Variants in CDH12 observed in about 807,000 individuals in gnomAD.
The protein encoded by CDH12 is cadherin-12.
In CDH12, 41 loss-of-function variants were observed where a neutral mutation model predicts 74.1. The observed-to-expected ratio is 0.55, with a 90% CI of 0.43 to 0.72. The LOEUF (loss-of-function observed/expected upper bound fraction) is 0.72, where lower values mean the gene tolerates loss of function less well. Among genes scored for constraint, CDH12 ranks in the 30% least tolerant of loss-of-function variants. The pLI is 0.00. For missense variants in CDH12, 945 were observed against 977.2 expected (o/e 0.97, Z 0.44); for synonymous variants, 399 against 355.0 (o/e 1.12, Z -1.39).
chr5:21,813,960 G>A (rs553424967), intron 9 of CDH12, among the ~76,000 whole-genome samples: 1 of 152,224 alleles, frequency 6.6e-6, no homozygotes, highest in South Asian at 2.1e-4. Context: ...GAGTATGAGT[G>A]CAGGCAGTGT....
intron 2 of CDH12, among the ~76,000 whole-genome samples, chr5:22,497,420 C>T (rs1391432657): frequency 6.6e-6 from 1 of 152,044 alleles, no homozygotes; most frequent in African/African-American, 2.4e-5. Flanking sequence ...CTTGTCTCAA[C>T]CTTCCTTCCT....
At chr5:22,634,687 C>G (rs933210491) in intron 1 of CDH12, among the ~76,000 whole-genome samples, 1 of 151,716 alleles carries the variant, frequency 6.6e-6, no homozygotes, top group Non-Finnish European at 1.5e-5. Context: ...TATCAATGTG[C>G]AAAAATCAAT....
chr5:22,423,398 C>T (rs145660317), intron 2 of CDH12, among the ~76,000 whole-genome samples: 128 of 152,200 alleles, frequency 8.4e-4, no homozygotes, highest in Admixed American at 5.6e-3. Flanking sequence ...GGGATCCAGT[C>T]TAGAAAAACT....
chr5:22,036,200 T>C (rs1229265488), intron 5 of CDH12, among the ~76,000 whole-genome samples: 1 of 152,202 alleles, frequency 6.6e-6, no homozygotes, highest in Non-Finnish European at 1.5e-5. Flanking sequence ...TCAATTTTTT[T>C]AGCCTTGGCA....
intron 1 of CDH12, among the ~76,000 whole-genome samples, chr5:22,730,406 C>G (rs1744374520): frequency 6.6e-6 from 1 of 151,648 alleles, no homozygotes; most frequent in Non-Finnish European, 1.5e-5. Flanking sequence ...AAAATACTTT[C>G]AAAAAATATC....
At chr5:22,308,035 C>T (rs537128273) in intron 3 of CDH12, among the ~76,000 whole-genome samples, 1 of 151,718 alleles carries the variant, frequency 6.6e-6, no homozygotes, top group East Asian at 2.0e-4. Flanking sequence ...CGCCCGCCAC[C>T]ACGCCCGGCT....
In CDH12 at chr5:21,752,001, C is replaced by T. The variant is rs767330332; in HGVS notation, c.2121G>A (p.Met707Ile). The change falls in exon 15 of 15, where the codon ATG (methionine) becomes ATA (isoleucine). Residue 707 changes from methionine (M) to isoleucine (I), a missense_variant. By Grantham distance (10) the Met-to-Ile change is conservative (BLOSUM62 1). Around this residue, in one of 3 missense-constraint regions of CDH12, gnomAD observed 791 missense variants for 792.8 expected, o/e 1.00. Coordinates refer to ENST00000382254, the MANE Select transcript of CDH12 (RefSeq NM_004061.5). ...SLCLPRQRPP[M>I]EDNTDIRDFI... The stretch of plus-strand genomic sequence containing the variant: ...AATCCCTTATGTCTGTGTTATCTTC[C>T]ATGGGTGGTCTCTGACGAGGTAAAC... The T allele has an allele frequency of 1.2e-6, 2 of 1,614,022 alleles. No homozygotes were observed. The highest frequency in any genetic ancestry group is 1.6e-4 in the Middle Eastern group (1 of 6,062).
chr5:22,669,480 G>A (rs1347406994), intron 1 of CDH12, among the ~76,000 whole-genome samples: 1 of 152,084 alleles, frequency 6.6e-6, no homozygotes, highest in East Asian at 1.9e-4. Context: ...GGACAGGCGT[G>A]GTAACATATG....
intron 1 of CDH12, among the ~76,000 whole-genome samples, chr5:22,581,534 T>C (rs991193285): frequency 6.6e-6 from 1 of 152,154 alleles, no homozygotes; most frequent in Non-Finnish European, 1.5e-5. Context: ...CAAAACCACA[T>C]GGAAGTTGCC....
At chr5:21,854,813 T>C (rs1750670262) in intron 6 of CDH12, 23 bp from the exon 7 acceptor site, 1 of 1,595,512 alleles carries the variant, frequency 6.3e-7, no homozygotes, top group South Asian at 1.1e-5. Context: ...ACAATATCAC[T>C]CTAGCATTTT....
intron 3 of CDH12, among the ~76,000 whole-genome samples, chr5:22,382,968 T>C (rs1400333745): frequency 1.3e-5 from 2 of 152,074 alleles, no homozygotes; most frequent in African/African-American, 2.4e-5. Context: ...GTAGCTGGGA[T>C]TTCTGGAGCG....
intron 1 of CDH12, among the ~76,000 whole-genome samples, chr5:22,596,107 C>CA (rs1232402874): frequency 2.2e-5 from 3 of 139,452 alleles, no homozygotes; most frequent in Admixed American, 1.4e-4. Context: ...GACTCCGTCT[C>CA]AAAAAAAATA....
intron 1 of CDH12, among the ~76,000 whole-genome samples, chr5:22,643,772 T>C (rs910518001): frequency 3.8e-5 from 5 of 132,626 alleles, no homozygotes; most frequent in African/African-American, 1.4e-4. Context: ...CACAAATTGA[T>C]GGTTTGTGGC....
intron 7 of CDH12, among the ~76,000 whole-genome samples, chr5:21,849,221 A>G (rs945277136): frequency 2.6e-5 from 4 of 151,832 alleles, no homozygotes; most frequent in Admixed American, 6.6e-5. Flanking sequence ...TTCCTCTTCT[A>G]CATGACAGCT....
chr5:22,515,423 A>G (rs1736768856), intron 1 of CDH12, among the ~76,000 whole-genome samples: 1 of 152,164 alleles, frequency 6.6e-6, no homozygotes, highest in Non-Finnish European at 1.5e-5. Flanking sequence ...TATATTGATT[A>G]AAACAGTGAG....
At chr5:22,025,648 G>T (rs1738297351) in intron 5 of CDH12, among the ~76,000 whole-genome samples, 2 of 152,138 alleles carry the variant, frequency 1.3e-5, no homozygotes, top group South Asian at 4.1e-4. Context: ...TTCACAAGAT[G>T]TTCCTCTAGC....
intron 5 of CDH12, among the ~76,000 whole-genome samples, chr5:22,030,475 A>G (rs368284331): frequency 3.3e-5 from 5 of 152,260 alleles, no homozygotes; most frequent in Non-Finnish European, 2.9e-5. Flanking sequence ...TTATTACCTA[A>G]ACAGTAGCTC....
At chr5:22,628,145 AAAT>A (rs941964587) in intron 1 of CDH12, among the ~76,000 whole-genome samples, 15 of 152,182 alleles carry the variant, frequency 9.9e-5, no homozygotes, top group South Asian at 6.2e-4. Context: ...GGTAACCACA[AAAT>A]AATAATGAGA....
At chr5:22,366,376 A>G (rs954958813) in intron 3 of CDH12, among the ~76,000 whole-genome samples, 2 of 152,068 alleles carry the variant, frequency 1.3e-5, no homozygotes, top group Non-Finnish European at 2.9e-5. Flanking sequence ...GATAATATGT[A>G]TAGAGATAGA....
Sources: allele counts gnomAD v4.1 joint callset (sites outside exome capture counted in the v4.1 genomes callset), GRCh38; gene constraint gnomAD v4.1.1; regional missense constraint gnomAD v4.1.1; transcripts MANE v1.5; gene names NCBI Gene and HGNC (gene_info 2026-07-23, HGNC 2026-07-21).